The following CFHR5 variants were observed in gnomAD, a reference collection of about 807,000 sequenced individuals.
CFHR5 encodes complement factor H-related protein 5.
CFHR5 carries 73 observed loss-of-function variants against 62.9 expected under a neutral mutation model. The ratio of observed to expected loss-of-function variants is 1.16; its 90% CI spans 0.96 to 1.41. CFHR5 has a LOEUF of 1.41. Ranked by LOEUF, CFHR5 falls within the 40% of genes most tolerant of loss-of-function variation. The probability of loss-of-function intolerance (pLI) is 0.00; values close to 1 mark genes in which losing one functional copy is unlikely to be tolerated. For missense variants in CFHR5, 779 were observed against 679.9 expected, an observed-to-expected ratio of 1.15 and a Z score of -1.62; for synonymous variants, 249 against 227.2, an observed-to-expected ratio of 1.10 and a Z score of -0.86.
chr1:196,994,240 C>G lies in CFHR5; in HGVS notation c.591C>G (p.Asn197Lys). ...GTTACCAATTTGGGTGGTCACCTAA[C>G]TTTCCAACATGCAAAGGTCAGTATT... is the stretch of plus-strand genomic sequence containing the variant. ...VQCYQFGWSPNFPTCKGQVRS... is the reference protein window; with the variant it reads ...VQCYQFGWSPKFPTCKGQVRS... Residue 197 changes from asparagine (N) to lysine (K), a missense_variant, in exon 4 of 10, where the codon AAC (asparagine) becomes AAG (lysine). Physicochemically the swap from Asn to Lys is moderately conservative, Grantham distance 94. Transcript: ENST00000256785. 1 of 1,612,772 alleles carries G rather than the reference C, an allele frequency of 6.2e-7. No homozygotes were observed. Among genetic ancestry groups the G allele is most frequent in the Non-Finnish European group, 8.5e-7 (1 of 1,178,964 alleles).
rs1654386179 is a variant in CFHR5 at position 197,009,673 on chromosome 1, A to T, written c.*990A>T. ...AGTATTAAATGCACTATCTGCTGTAAAAGAATAGACTTTGAAATGGGTTTT... is the reference window on the plus strand; with the variant it reads ...AGTATTAAATGCACTATCTGCTGTATAAGAATAGACTTTGAAATGGGTTTT... On this transcript the variant is annotated 3_prime_UTR_variant, in exon 10 of 10. Coordinates refer to ENST00000256785, the MANE Select transcript of CFHR5 (RefSeq NM_030787.4). 1 of 152,098 alleles carries T rather than the reference A, an allele frequency of 6.6e-6. No homozygotes were observed. Among genetic ancestry groups the T allele is most frequent in the Admixed American group, 6.5e-5 (1 of 15,278 alleles). 9.4% of individuals were successfully genotyped at this position (152,098 alleles called of 1,614,324 possible).
chr1:196,982,845 CTCTT>C (rs775002899), intron 1 of CFHR5, 36 bp from the exon 2 acceptor site: 3 of 1,545,400 alleles, frequency 1.9e-6, no homozygotes, highest in Admixed American at 1.7e-5. Context: ...ATCGATGTAG[CTCTT>C]TATTTAATTC....
intron 3 of CFHR5, among the ~76,000 whole-genome samples, chr1:196,987,751 T>C (rs1255978196): frequency 2.0e-5 from 3 of 152,196 alleles, no homozygotes; most frequent in African/African-American, 7.2e-5. Flanking sequence ...TACCATGCTG[T>C]TTTGGTTACT....
upstream of CFHR5, among the ~76,000 whole-genome samples, chr1:196,975,820 C>T (rs772299217): frequency 6.6e-6 from 1 of 152,080 alleles, no homozygotes; most frequent in South Asian, 2.1e-4. Context: ...AGGCACAGGG[C>T]AGGTAGAGAA....
chr1:196,975,761 GC>G (rs1225467230), upstream of CFHR5, among the ~76,000 whole-genome samples: 1 of 152,194 alleles, frequency 6.6e-6, no homozygotes, highest in Non-Finnish European at 1.5e-5. Context: ...AGGCAAGTCA[GC>G]ACAGTTGCCT....
intron 7 of CFHR5, among the ~76,000 whole-genome samples, chr1:197,001,141 T>C (rs913677049): frequency 1.1e-4 from 17 of 152,176 alleles, no homozygotes; most frequent in Admixed American, 2.0e-4. Flanking sequence ...CTAAGTACTT[T>C]AAGTTCACGC....
At chr1:196,994,960 C>T (rs1042199152) in intron 4 of CFHR5, among the ~76,000 whole-genome samples, 7 of 151,950 alleles carry the variant, frequency 4.6e-5, no homozygotes, top group South Asian at 4.1e-4. Context: ...AGGAAAGATC[C>T]GCCCCATAAT....
At chr1:196,989,681 T>G (rs749861668) in intron 3 of CFHR5, among the ~76,000 whole-genome samples, 2 of 152,190 alleles carry the variant, frequency 1.3e-5, no homozygotes, top group Admixed American at 1.3e-4. Context: ...GGTGCGGTTT[T>G]GAGTGAGTTT....
In CFHR5 at chr1:196,994,077, TAGA is replaced by T; in HGVS notation, c.431_433del (p.Lys144_Gly145delinsArg). On this transcript the variant is annotated splice_acceptor_variant and coding_sequence_variant, in exon 4 of 10. Coordinates refer to ENST00000256785, the MANE Select transcript of CFHR5 (RefSeq NM_030787.4). LOFTEE classifies it high-confidence loss of function. ...ACATATGTTCATTTAATTTTATTTT[TAGA>T]AGGAGAATGTCATGTTCCAATTTTA... The T allele has an allele frequency of 6.2e-7, 1 of 1,608,174 alleles. No individual in the cohort carries two copies. The highest frequency in any genetic ancestry group is 8.5e-7 in the Non-Finnish European group (1 of 1,175,232).
In CFHR5 at chr1:196,984,128, A is replaced by G. The variant is rs1480999198; in HGVS notation, c.421A>G (p.Ser141Gly). The change falls in exon 3 of 10, where the codon AGC becomes GGC. Residue 141 changes from serine to glycine, a missense_variant. Coordinates refer to ENST00000256785, the MANE Select transcript of CFHR5 (RefSeq NM_030787.4). ...GGGCTGGTCCACTCCTCCCATATGC[A>G]GCTTCACTAGTAAGCAAAATACCAC... is the stretch of plus-strand genomic sequence containing the variant. The part of the protein sequence containing the change: ...ERGWSTPPIC[S>G]FTKGECHVPI... 3 of 1,613,278 alleles carry G rather than the reference A, an allele frequency of 1.9e-6. No individual in the cohort carries two copies. Among genetic ancestry groups the G allele is most frequent in the Admixed American group, 1.7e-5 (1 of 59,988 alleles).
At chr1:196,998,401 G>T (rs1047249338) in intron 7 of CFHR5, 97 bp downstream of exon 7, 20 of 1,021,480 alleles carry the variant, frequency 2.0e-5, no homozygotes, top group Non-Finnish European at 7.4e-6. Context: ...ATTTATTGTG[G>T]CATATAATTT....
At chr1:196,981,317 A>G (rs182092548) in intron 1 of CFHR5, among the ~76,000 whole-genome samples, 9 of 152,240 alleles carry the variant, frequency 5.9e-5, no homozygotes, top group African/African-American at 1.9e-4. Flanking sequence ...CATAGAATGT[A>G]CAATATCAAG....
upstream of CFHR5, among the ~76,000 whole-genome samples, chr1:196,975,541 T>A (rs914204908): frequency 2.0e-5 from 3 of 152,148 alleles, no homozygotes; most frequent in African/African-American, 7.2e-5. Context: ...AAGATCAACA[T>A]CCAGTGAAGC....
At chr1:196,985,076 A>T (rs1293058004) in intron 3 of CFHR5, among the ~76,000 whole-genome samples, 2 of 151,990 alleles carry the variant, frequency 1.3e-5, no homozygotes, top group African/African-American at 2.4e-5. Context: ...AATTTTCTAA[A>T]TTTTTTTTCA....
At chr1:196,992,349 C>T (rs1653871276) in intron 3 of CFHR5, among the ~76,000 whole-genome samples, 1 of 151,570 alleles carries the variant, frequency 6.6e-6, no homozygotes, top group Admixed American at 6.6e-5. Flanking sequence ...CCCCCAACCC[C>T]TTGCACTTCT....
At chr1:196,987,767 T>C (rs190290154) in intron 3 of CFHR5, among the ~76,000 whole-genome samples, 155 of 152,204 alleles carry the variant, frequency 1.0e-3, no homozygotes, top group African/African-American at 3.6e-3. Flanking sequence ...TTACTTGTAG[T>C]ATAGCCTTGT....
rs371283133 is a variant in CFHR5 at position 197,004,699 on chromosome 1, A to G, written c.1369A>G (p.Asn457Asp). The stretch of plus-strand genomic sequence containing the variant: ...TTGTGGGCCCCCTCCATCTATTAAC[A>G]ATGGAGATACCACCTCATTCCCATT... Reference protein sequence around the residue: ...AYCGPPPSINNGDTTSFPLSV... With the variant: ...AYCGPPPSINDGDTTSFPLSV... Residue 457 changes from asparagine (N) to aspartate (D), a missense_variant, in exon 9 of 10, where the codon AAT (asparagine) becomes GAT (aspartate). Asn to Asp is a conservative substitution (Grantham distance 23, BLOSUM62 1). Coordinates refer to ENST00000256785, the MANE Select transcript of CFHR5 (RefSeq NM_030787.4). 5.2e-5 allele frequency: 84 copies of G among 1,613,338 alleles called. No individual in the cohort carries two copies. Among genetic ancestry groups the G allele is most frequent in the Non-Finnish European group, 7.0e-5 (82 of 1,179,442 alleles).
intron 3 of CFHR5, among the ~76,000 whole-genome samples, chr1:196,988,618 T>C (rs1415789860): frequency 6.6e-6 from 1 of 152,198 alleles, no homozygotes; most frequent in African/African-American, 2.4e-5. Context: ...TCTGCATCTA[T>C]TGAGATAATC....
upstream of CFHR5, among the ~76,000 whole-genome samples, chr1:196,976,900 T>G (rs1404378323): frequency 5.4e-5 from 8 of 148,554 alleles, no homozygotes; most frequent in East Asian, 1.6e-3. Context: ...TGCCTCCCGG[T>G]TTTACGCCAT....
Sources: gnomAD v4.1 joint callset for allele counts (sites outside exome capture counted in the v4.1 genomes callset) on GRCh38, gnomAD v4.1.1 for gene constraint, MANE v1.5 for transcripts, NCBI Gene and HGNC (gene_info 2026-07-23, HGNC 2026-07-21) for gene names.